Variants in ZNF695 observed in about 807,000 individuals in gnomAD.
The protein encoded by ZNF695 is zinc finger protein 695, also known as zinc finger protein SBZF3.
ZNF695 carries 11 observed loss-of-function variants against 11.2 expected under a neutral mutation model. The ratio of observed to expected loss-of-function variants is 0.98; its 90% CI spans 0.62 to 1.62. ZNF695 has a LOEUF of 1.62. ZNF695 is among the 40% of genes most tolerant of loss of function. ZNF695 has a pLI of 0.00. For missense variants in ZNF695, 559 were observed against 590.5 expected, an observed-to-expected ratio of 0.95 and a Z score of 0.55; for synonymous variants, 190 against 201.4, an observed-to-expected ratio of 0.94 and a Z score of 0.48.
Position 247,007,967 on chromosome 1 carries a change from A to G in ZNF695, c.-59T>C. 6.9e-7 allele frequency: 1 copy of G among 1,457,744 alleles called. No individual in the cohort carries two copies. The highest frequency in any genetic ancestry group is 1.5e-5 in the South Asian group (1 of 67,496). 90.3% of individuals were successfully genotyped at this position (1,457,744 alleles called of 1,614,324 possible). On this transcript the variant is annotated 5_prime_UTR_variant, in exon 1 of 4. Transcript: ENST00000339986. ...ATAAATCTCGCAATACCTGCAGGCC[A>G]CAGGGCGATGGAGCCTGCGGCAGTC...
At chr1:246,998,977 A>AATATATATATATATATATATATATAT (rs6143721) in intron 3 of ZNF695, among the ~76,000 whole-genome samples, 2 of 144,278 alleles carry the variant, frequency 1.4e-5, no homozygotes, top group African/African-American at 2.6e-5. Context: ...CAAGAAAACA[A>AATATATATATATATATATATATATAT]ATATATATAT....
intron 4 of ZNF695, among the ~76,000 whole-genome samples, chr1:246,972,349 C>T (rs999427698): frequency 6.6e-6 from 1 of 152,232 alleles, no homozygotes; most frequent in Non-Finnish European, 1.5e-5. Flanking sequence ...TGCCCTGCCC[C>T]ACCATAATTC....
Position 246,988,160 on chromosome 1 carries a change from GACA to G in ZNF695, c.352_354del (p.Cys118del), listed in dbSNP as rs1281841142. The G allele has an allele frequency of 1.2e-6, 2 of 1,613,350 alleles. No individual in the cohort carries two copies. The stretch of plus-strand genomic sequence containing the variant: ...TCATTCCTTAAGCGTAATTTCTCAA[GACA>G]ACATCTTTCATATCTTCTCAGCATC... On this transcript the variant is annotated inframe_deletion, in exon 4 of 4. Coordinates refer to ENST00000339986, the MANE Select transcript of ZNF695 (RefSeq NM_020394.5).
chr1:246,994,987 C>T (rs547289441), intron 3 of ZNF695, among the ~76,000 whole-genome samples: 1 of 152,226 alleles, frequency 6.6e-6, no homozygotes, highest in African/African-American at 2.4e-5. Context: ...TGTGTCTCAC[C>T]AGGGTTCACG....
At chr1:246,973,531 T>TG (rs1438481405) in intron 4 of ZNF695, among the ~76,000 whole-genome samples, 2 of 152,230 alleles carry the variant, frequency 1.3e-5, no homozygotes, top group African/African-American at 4.8e-5. Flanking sequence ...TATGTGGCTA[T>TG]GGTGATTTCA....
chr1:247,001,698 G>A (rs1328481109), intron 1 of ZNF695, among the ~76,000 whole-genome samples: 3 of 118,580 alleles, frequency 2.5e-5, no homozygotes, highest in Non-Finnish European at 4.9e-5. Context: ...GGGCAACAGA[G>A]CAAGACTTCG....
intron 5 of ZNF695, among the ~76,000 whole-genome samples, chr1:246,948,843 G>T (rs1667802007): frequency 6.6e-6 from 1 of 152,118 alleles, no homozygotes; most frequent in Non-Finnish European, 1.5e-5. Flanking sequence ...AAGACCCTAA[G>T]CCTTGCCTCT....
At position 246,985,791 on chromosome 1, in the gene ZNF695, A is replaced by G. The variant is rs148784891; in HGVS notation, c.*1176T>C. 27 of 985,402 alleles carry G rather than the reference A, an allele frequency of 2.7e-5. No homozygotes were observed. In the East Asian group the frequency reaches 1.6e-3, roughly 58 times the overall value. The allele number at this position is 985,402 out of a possible 1,614,324, so 61.0% of individuals were successfully genotyped here. A position where few individuals can be genotyped will look rare whatever the true frequency, so the allele number is the denominator to read the frequency against. On this transcript the variant is annotated 3_prime_UTR_variant, in exon 4 of 4. Transcript: ENST00000339986. The stretch of plus-strand genomic sequence containing the variant: ...TATCTCATGAATCACTTACAACCCT[A>G]TTATAAGACAAGTACAAAGAGCCTC...
intron 1 of ZNF695, among the ~76,000 whole-genome samples, chr1:247,007,617 G>C (rs1022334357): frequency 6.6e-6 from 1 of 152,086 alleles, no homozygotes; most frequent in African/African-American, 2.4e-5. Context: ...GCACAATCCA[G>C]GGAAGACGCG....
At chr1:247,006,626 A>G (rs892965781) in intron 1 of ZNF695, among the ~76,000 whole-genome samples, 1 of 152,214 alleles carries the variant, frequency 6.6e-6, no homozygotes, top group Non-Finnish European at 1.5e-5. Flanking sequence ...TCTCAAAAAA[A>G]ATAAATAAAT....
At chr1:246,972,326 C>A (rs1195155390) in intron 4 of ZNF695, among the ~76,000 whole-genome samples, 5 of 152,188 alleles carry the variant, frequency 3.3e-5, no homozygotes, top group Non-Finnish European at 7.3e-5. Flanking sequence ...CCCACAGCAA[C>A]CCCCCAAGTG....
At chr1:246,965,652 G>A (rs1324705759) in intron 5 of ZNF695, among the ~76,000 whole-genome samples, 4 of 151,974 alleles carry the variant, frequency 2.6e-5, no homozygotes, top group Admixed American at 6.6e-5. Flanking sequence ...CAGGAGAATC[G>A]CTTGAACCCG....
chr1:246,988,634 T>C (rs1372038803), intron 3 of ZNF695, among the ~76,000 whole-genome samples: 2 of 152,122 alleles, frequency 1.3e-5, no homozygotes, highest in Non-Finnish European at 2.9e-5. Flanking sequence ...GAAATAAGGA[T>C]GGCCAAACAA....
chr1:246,973,334 C>A (rs1482875334), intron 4 of ZNF695, among the ~76,000 whole-genome samples: 1 of 152,202 alleles, frequency 6.6e-6, no homozygotes, highest in Non-Finnish European at 1.5e-5. Context: ...CAGGCATGAG[C>A]CACCGTGCCC....
At chr1:246,945,598 A>AG (rs1667714341), downstream of ZNF695, 2 of 570,942 alleles carry the variant, frequency 3.5e-6, no homozygotes, top group Non-Finnish European at 3.2e-6. Flanking sequence ...CCAAATGAAA[A>AG]GGGAAAAAAA....
chr1:246,994,835 T>TCAAAAA (rs10567979), intron 3 of ZNF695, among the ~76,000 whole-genome samples: 4 of 150,824 alleles, frequency 2.7e-5, no homozygotes, highest in African/African-American at 9.7e-5. Flanking sequence ...AGACTCCGTC[T>TCAAAAA]CAAAAACAAA....
downstream of ZNF695, among the ~76,000 whole-genome samples, chr1:246,981,526 A>G (rs567192464): frequency 6.6e-5 from 10 of 152,366 alleles, no homozygotes; most frequent in East Asian, 1.2e-3. Flanking sequence ...AACTCAGTGG[A>G]AAAGACTCAA....
chr1:246,948,419 A>C (rs1056679486), intron 5 of ZNF695, among the ~76,000 whole-genome samples: 1 of 151,920 alleles, frequency 6.6e-6, no homozygotes, highest in African/African-American at 2.4e-5. Context: ...TGTGGATCCC[A>C]AACTGTCTGT....
At chr1:246,946,816 C>T (rs1322696119) in intron 5 of ZNF695, among the ~76,000 whole-genome samples, 4 of 152,152 alleles carry the variant, frequency 2.6e-5, no homozygotes, top group African/African-American at 9.7e-5. Flanking sequence ...TGTGGGAAAC[C>T]GAGTAATCAA....
Sources: gnomAD v4.1 joint callset for allele counts (sites outside exome capture counted in the v4.1 genomes callset) on GRCh38, gnomAD v4.1.1 for gene constraint, MANE v1.5 for transcripts, NCBI Gene and HGNC (gene_info 2026-07-23, HGNC 2026-07-21) for gene names.